The following PRORP variants were observed in gnomAD, a reference collection of about 807,000 sequenced individuals.
PRORP encodes protein only RNase P catalytic subunit.
PRORP carries 51 observed loss-of-function variants against 59.4 expected under a neutral mutation model. The observed-to-expected ratio is 0.86, with a 90% confidence interval of 0.69 to 1.08. The LOEUF (loss-of-function observed/expected upper bound fraction) is 1.08. Ranked by LOEUF, PRORP falls within the 50% of genes least tolerant of loss-of-function variation. PRORP has a pLI of 0.00. For synonymous variants in PRORP, 231 were observed against 245.6 expected (o/e 0.94, Z 0.55); for missense variants, 646 against 690.3 (o/e 0.94, Z 0.72).
chr14:35,183,240 G>A (rs202210538), intron 5 of PRORP, among the ~76,000 whole-genome samples: 9 of 123,782 alleles, frequency 7.3e-5, no homozygotes, highest in East Asian at 3.0e-4. Flanking sequence ...ACACACACAC[G>A]CACACACACA....
Position 35,124,224 on chromosome 14 carries a change from T to C in PRORP, c.979T>C (p.Phe327Leu), listed in dbSNP as rs2047029956. 1 of 1,528,472 alleles carries C rather than the reference T, an allele frequency of 6.5e-7. No individual in the cohort carries two copies. The highest frequency in any genetic ancestry group is 8.8e-7 in the Non-Finnish European group (1 of 1,142,666). The allele number at this position is 1,528,472 out of a possible 1,614,324, so 94.7% of individuals were successfully genotyped here. A position where few individuals can be genotyped will look rare whatever the true frequency, so the allele number is the denominator to read the frequency against. Residue 327 changes from phenylalanine (F) to leucine (L), a missense_variant, in exon 2 of 8, where the codon TTT becomes CTT. Transcript: ENST00000534898. ...ATTTGCACACAGTATAAAAACATGG[T>C]TTGAGAGGTAATTTTGGTTTTTTTA... is the stretch of plus-strand genomic sequence containing the variant. ...ESFAHSIKTW[F>L]ESVPGKQWKG...
intron 5 of PRORP, chr14:35,262,996 A>G: frequency 1.3e-6 from 2 of 1,597,574 alleles, no homozygotes; most frequent in South Asian, 1.1e-5. Flanking sequence ...GATGGTATCT[A>G]TGTCTCTGAA....
chr14:35,178,884 G>T (rs1401582662), intron 4 of PRORP, among the ~76,000 whole-genome samples: 6 of 152,168 alleles, frequency 3.9e-5, no homozygotes. Context: ...GGTACCGGTT[G>T]TATCTTTCCA....
At chr14:35,195,687 A>G in intron 5 of PRORP, among the ~76,000 whole-genome samples, 1 of 152,114 alleles carries the variant, frequency 6.6e-6, no homozygotes, top group East Asian at 1.9e-4. Context: ...CTTGAGTTTG[A>G]GAAACTCAAA....
intron 5 of PRORP, among the ~76,000 whole-genome samples, chr14:35,247,385 G>C (rs1208035689): frequency 3.3e-5 from 5 of 151,976 alleles, no homozygotes; most frequent in Admixed American, 1.3e-4. Context: ...ATATAGCCAG[G>C]TATTTTATAT....
chr14:35,173,010 G>A (rs2048360148), intron 4 of PRORP, among the ~76,000 whole-genome samples: 1 of 151,838 alleles, frequency 6.6e-6, no homozygotes, highest in Admixed American at 6.6e-5. Flanking sequence ...TGGGATTATA[G>A]GCATGCACCA....
intron 6 of PRORP, among the ~76,000 whole-genome samples, chr14:35,267,160 C>T (rs2051063073): frequency 6.6e-6 from 1 of 152,048 alleles, no homozygotes; most frequent in South Asian, 2.1e-4. Flanking sequence ...CGAATACATG[C>T]CATAAGATCC....
At chr14:35,174,402 T>A (rs1177200848) in intron 4 of PRORP, among the ~76,000 whole-genome samples, 1 of 152,198 alleles carries the variant, frequency 6.6e-6, no homozygotes, top group Non-Finnish European at 1.5e-5. Flanking sequence ...TCACATTTAA[T>A]ATTATTTACT....
At chr14:35,210,722 A>G (rs2049416989) in intron 5 of PRORP, among the ~76,000 whole-genome samples, 1 of 144,038 alleles carries the variant, frequency 6.9e-6, no homozygotes, top group Non-Finnish European at 1.5e-5. Context: ...GCTTCTGGAA[A>G]AGTTTTCCTT....
At chr14:35,242,323 A>C (rs1000021647) in intron 5 of PRORP, among the ~76,000 whole-genome samples, 3 of 152,222 alleles carry the variant, frequency 2.0e-5, no homozygotes, top group Non-Finnish European at 2.9e-5. Context: ...CTTTAGACAC[A>C]TTCACAGGGT....
chr14:35,139,071 A>G (rs1449753937), intron 4 of PRORP, among the ~76,000 whole-genome samples: 2 of 145,552 alleles, frequency 1.4e-5, no homozygotes, highest in East Asian at 2.3e-4. Flanking sequence ...GATTACAGGC[A>G]TGAGCCGCCA....
chr14:35,216,422 G>T (rs1002219027), intron 5 of PRORP, among the ~76,000 whole-genome samples: 1 of 151,294 alleles, frequency 6.6e-6, no homozygotes. Flanking sequence ...CAATCCTCCC[G>T]CCTCAGCCCC....
chr14:35,139,304 C>T (rs1362520505), intron 4 of PRORP, among the ~76,000 whole-genome samples: 1 of 145,316 alleles, frequency 6.9e-6, no homozygotes, highest in African/African-American at 2.4e-5. Flanking sequence ...ATTTGACATA[C>T]AGTAAACAGC....
intron 4 of PRORP, among the ~76,000 whole-genome samples, chr14:35,129,508 T>C (rs1297420684): frequency 6.6e-6 from 1 of 151,552 alleles, no homozygotes; most frequent in Non-Finnish European, 1.5e-5. Context: ...GGAGTATTGC[T>C]CTGTCGCCCA....
rs57649811 is a variant in PRORP, at chr14:35,199,737, C to CTA, written c.1275+18961_1275+18962insAT. Among the ~76,000 whole-genome samples the CTA allele has an allele frequency of 8.9e-4, 136 of 152,356 alleles. 1 individual carries two copies. The highest frequency in any genetic ancestry group is 3.2e-3 in the African/African-American group (133 of 41,592). ...GTTTCAGGTGTTTTGTGTGAACAGACTGAGACCGTAGTATTTCTTTAATGT... is the reference window on the plus strand; with the variant it reads ...GTTTCAGGTGTTTTGTGTGAACAGACTATGAGACCGTAGTATTTCTTTAATGT... On this transcript the variant is annotated intron_variant, in intron 5 of 7. Coordinates refer to ENST00000534898, the MANE Select transcript of PRORP (RefSeq NM_014672.4).
chr14:35,178,780 A>G (rs930190083), intron 4 of PRORP, among the ~76,000 whole-genome samples: 1 of 152,094 alleles, frequency 6.6e-6, no homozygotes, highest in Non-Finnish European at 1.5e-5. Context: ...TGATCATGTC[A>G]TTGTGATGTT....
intron 4 of PRORP, among the ~76,000 whole-genome samples, chr14:35,132,931 T>C (rs2047285312): frequency 6.6e-6 from 1 of 152,046 alleles, no homozygotes; most frequent in African/African-American, 2.4e-5. Context: ...TGTTTTGTTT[T>C]GTTTTTTTGA....
intron 3 of PRORP, 96 bp from the exon 4 acceptor site, chr14:35,127,383 A>T: frequency 1.2e-6 from 1 of 844,994 alleles, no homozygotes; most frequent in Non-Finnish European, 1.7e-6. Context: ...CTTTTTTATT[A>T]CCTTTTAATT....
chr14:35,166,144 C>G (rs1030249309), intron 4 of PRORP, among the ~76,000 whole-genome samples: 2 of 152,032 alleles, frequency 1.3e-5, no homozygotes, highest in Admixed American at 1.3e-4. Flanking sequence ...TCTTAACATT[C>G]TTTTTCTTCT....
Sources: gnomAD v4.1 joint callset for allele counts (sites outside exome capture counted in the v4.1 genomes callset) on GRCh38, gnomAD v4.1.1 for gene constraint, MANE v1.5 for transcripts, NCBI Gene and HGNC (gene_info 2026-07-23, HGNC 2026-07-21) for gene names.